Variants in CACNA1E observed in about 807,000 individuals in gnomAD.
CACNA1E encodes the protein voltage-dependent R-type calcium channel subunit alpha-1E.
In CACNA1E, 40 loss-of-function variants were observed where a neutral mutation model predicts 259.2. That is an observed-to-expected ratio of 0.15 (90% CI 0.12 to 0.20). CACNA1E has a LOEUF of 0.20. Among genes scored for constraint, CACNA1E ranks in the 10% least tolerant of loss-of-function variants. The pLI is 1.00. For synonymous variants in CACNA1E, 1,104 were observed against 1,138.5 expected (o/e 0.97, Z 0.61); for missense variants, 1,874 against 3,040.1 (o/e 0.62, Z 9.02).
intron 1 of CACNA1E, among the ~76,000 whole-genome samples, chr1:181,490,850 TC>T (rs1664254366): frequency 6.6e-6 from 1 of 152,110 alleles, no homozygotes; most frequent in Non-Finnish European, 1.5e-5. Context: ...GAAGAAGTGC[TC>T]TGGTGTAGAT....
rs777347120 is a variant in CACNA1E at position 181,483,985 on chromosome 1, T to C, written c.241T>C (p.Tyr81His). 59 of 1,613,636 alleles carry C rather than the reference T, an allele frequency of 3.7e-5. No individual in the cohort carries two copies. The Middle Eastern group carries it at 4.9e-4, about 13-fold the overall frequency. ...IFGEDNIVRK[Y>H]AKKLIDWPPF... Reference sequence around the variant, plus strand: ...CGGAGAAGATAACATTGTCAGGAAATATGCCAAGAAGCTCATCGATTGGCC... The same window carrying C: ...CGGAGAAGATAACATTGTCAGGAAACATGCCAAGAAGCTCATCGATTGGCC... The change falls in exon 1 of 48, where the codon TAT (tyrosine) becomes CAT (histidine). Residue 81 changes from tyrosine (Y) to histidine (H), a missense_variant. Coordinates refer to ENST00000367573, the MANE Select transcript of CACNA1E (RefSeq NM_001205293.3).
intron 6 of CACNA1E, among the ~76,000 whole-genome samples, chr1:181,641,541 A>G (rs1261245444): frequency 1.3e-5 from 2 of 152,104 alleles, no homozygotes; most frequent in African/African-American, 4.8e-5. Flanking sequence ...GAGTCTCAGG[A>G]AGCCTTACAT....
chr1:181,694,549 A>G (rs1651515359), intron 7 of CACNA1E, among the ~76,000 whole-genome samples: 2 of 152,188 alleles, frequency 1.3e-5, no homozygotes, highest in African/African-American at 4.8e-5. Flanking sequence ...CCACTTTCCC[A>G]TGCTCTGTTG....
At chr1:181,724,623 T>G in intron 17 of CACNA1E, 86 bp downstream of exon 17, 1 of 1,129,738 alleles carries the variant, frequency 8.9e-7, no homozygotes, top group Non-Finnish European at 1.3e-6. Context: ...AAAGTCTACA[T>G]TGTCTGACTC....
intron 25 of CACNA1E, among the ~76,000 whole-genome samples, chr1:181,747,418 G>C (rs1056375338): frequency 6.7e-6 from 1 of 150,306 alleles, no homozygotes; most frequent in Non-Finnish European, 1.5e-5. Context: ...GAAAATTCTC[G>C]TCTTTTACTG....
intron 7 of CACNA1E, among the ~76,000 whole-genome samples, chr1:181,702,793 C>T (rs1050376232): frequency 6.6e-6 from 1 of 152,186 alleles, no homozygotes; most frequent in Non-Finnish European, 1.5e-5. Context: ...TGAGGCCCTC[C>T]CTGGCCACTC....
chr1:181,649,257 T>G (rs571890108), intron 6 of CACNA1E, among the ~76,000 whole-genome samples: 1 of 152,336 alleles, frequency 6.6e-6, no homozygotes, highest in South Asian at 2.1e-4. Flanking sequence ...GAGCTCCATC[T>G]TACACACTGA....
intron 25 of CACNA1E, among the ~76,000 whole-genome samples, chr1:181,745,053 GTGCCTACTACTATATCATAGC>G (rs1656930573): frequency 6.6e-6 from 1 of 152,162 alleles, no homozygotes; most frequent in Non-Finnish European, 1.5e-5. Context: ...GACTTTTGAG[GTGCCTACTACTATATCATAGC>G]TGCCTTGAAA....
intron 3 of CACNA1E, among the ~76,000 whole-genome samples, chr1:181,549,661 G>A (rs185193824): frequency 2.6e-4 from 40 of 152,310 alleles, no homozygotes; most frequent in Admixed American, 9.8e-4. Flanking sequence ...GGTTCCCATC[G>A]TGCTTGCTGG....
intron 2 of CACNA1E, among the ~76,000 whole-genome samples, chr1:181,477,278 G>A (rs994519152): frequency 2.0e-5 from 3 of 152,076 alleles, no homozygotes; most frequent in Non-Finnish European, 2.9e-5. Context: ...CCAGTGGGAG[G>A]GGATGGCTCC....
chr1:181,644,102 C>T (rs1422918673), intron 6 of CACNA1E, among the ~76,000 whole-genome samples: 3 of 152,152 alleles, frequency 2.0e-5, no homozygotes, highest in African/African-American at 7.2e-5. Context: ...TGCCTGGGGG[C>T]TGAGAAGACA....
intron 37 of CACNA1E, among the ~76,000 whole-genome samples, chr1:181,774,159 A>C (rs1659764454): frequency 1.3e-5 from 2 of 152,254 alleles, no homozygotes; most frequent in South Asian, 4.1e-4. Context: ...AACAACAAGT[A>C]ATAGGTGTGA....
intron 7 of CACNA1E, among the ~76,000 whole-genome samples, chr1:181,667,296 C>T (rs1648330077): frequency 6.6e-6 from 1 of 152,102 alleles, no homozygotes; most frequent in Non-Finnish European, 1.5e-5. Context: ...GTAAAATAGT[C>T]AGGAGATGAT....
intron 1 of CACNA1E, among the ~76,000 whole-genome samples, chr1:181,353,073 G>A (rs1653162408): frequency 1.3e-5 from 2 of 152,122 alleles, no homozygotes; most frequent in South Asian, 4.1e-4. Flanking sequence ...GCTGCTATTT[G>A]CTGTATCTAA....
At chr1:181,614,730 T>G (rs566304466) in intron 6 of CACNA1E, among the ~76,000 whole-genome samples, 1 of 152,362 alleles carries the variant, frequency 6.6e-6, no homozygotes, top group East Asian at 1.9e-4. Flanking sequence ...TGGATAAGTT[T>G]TGATACATTT....
chr1:181,369,323 G>A (rs954476461), intron 1 of CACNA1E, among the ~76,000 whole-genome samples: 5 of 152,144 alleles, frequency 3.3e-5, no homozygotes, highest in African/African-American at 7.2e-5. Flanking sequence ...CCGCATCTTC[G>A]GGCTCTGTTT....
chr1:181,790,322 CCACATGT>C (rs889179995), intron 43 of CACNA1E, 116 bp from the exon 44 acceptor site: 1 of 500,878 alleles, frequency 2.0e-6, no homozygotes, highest in Admixed American at 3.7e-5. Flanking sequence ...TCAGGACTAG[CCACATGT>C]AAGTTACTAG....
intron 3 of CACNA1E, among the ~76,000 whole-genome samples, chr1:181,553,777 TG>T (rs1648435992): frequency 6.6e-6 from 1 of 152,348 alleles, no homozygotes. Context: ...TTTTTGTCAT[TG>T]GTTCTGTTTT....
chr1:181,461,344 A>G (rs1459134993), intron 2 of CACNA1E, among the ~76,000 whole-genome samples: 1 of 151,320 alleles, frequency 6.6e-6, no homozygotes, highest in African/African-American at 2.5e-5. Context: ...GATCGAGACC[A>G]TCCTGGCTAA....
Sources: allele counts gnomAD v4.1 joint callset (sites outside exome capture counted in the v4.1 genomes callset), GRCh38; gene constraint gnomAD v4.1.1; transcripts MANE v1.5; gene names NCBI Gene and HGNC (gene_info 2026-07-23, HGNC 2026-07-21).